Variants in ATP13A4 observed in about 807,000 individuals in gnomAD.
ATP13A4 encodes probable cation-transporting ATPase 13A4.
A neutral mutation model predicts 142.5 loss-of-function variants in ATP13A4; 114 were observed. The observed-to-expected ratio is 0.80, with a 90% CI of 0.69 to 0.93. The LOEUF (loss-of-function observed/expected upper bound fraction) is 0.93, where lower values mean the gene tolerates loss of function less well. Among genes scored for constraint, ATP13A4 ranks in the 40% least tolerant of loss-of-function variants. ATP13A4 has a pLI of 0.00. For synonymous variants in ATP13A4, 488 were observed against 514.8 expected, an observed-to-expected ratio of 0.95 and a Z score of 0.70; for missense variants, 1,392 against 1,454.0, an observed-to-expected ratio of 0.96 and a Z score of 0.69.
At chr3:193,530,750 A>T (rs1722267871) in intron 1 of ATP13A4, among the ~76,000 whole-genome samples, 1 of 152,136 alleles carries the variant, frequency 6.6e-6, no homozygotes, top group South Asian at 2.1e-4. Flanking sequence ...GTTTCTCAGG[A>T]TGTTGTGATT....
intron 1 of ATP13A4, among the ~76,000 whole-genome samples, chr3:193,536,078 T>G (rs1173326008): frequency 1.3e-5 from 2 of 151,956 alleles, no homozygotes; most frequent in East Asian, 1.9e-4. Flanking sequence ...AATAATATTA[T>G]TAGTATGCAA....
At chr3:193,551,733 TC>T (rs766793927) in intron 1 of ATP13A4, among the ~76,000 whole-genome samples, 2 of 152,170 alleles carry the variant, frequency 1.3e-5, no homozygotes, top group African/African-American at 2.4e-5. Context: ...GAGCCAGGCC[TC>T]CCGTCCCGTC....
intron 6 of ATP13A4, 141 bp from the exon 7 acceptor site, chr3:193,490,005 C>T (rs944554927): frequency 1.2e-5 from 11 of 936,904 alleles, no homozygotes; most frequent in East Asian, 2.7e-5. Context: ...GCAATTGACA[C>T]GTGCCAGACA....
chr3:193,502,583 T>C lies in ATP13A4; in HGVS notation c.291A>G (p.Leu97=). ...KKVIWIYLSA[L]NSAFGLTPDH... ...CAGGAGTGAGACCAAATGCGCTGTT[T>C]AATGCTGACAGGTAGATCCATATTA... The change falls in exon 3 of 30, where the codon TTA becomes TTG. Residue 97 remains leucine (L), a synonymous_variant. Coordinates refer to ENST00000342695, the MANE Select transcript of ATP13A4 (RefSeq NM_032279.4). 8 of 1,613,804 alleles carry C rather than the reference T, an allele frequency of 5.0e-6. No individual in the cohort carries two copies. Among genetic ancestry groups the C allele is most frequent in the Non-Finnish European group, 6.8e-6 (8 of 1,179,654 alleles).
At chr3:193,543,900 A>C (rs2108720017) in intron 1 of ATP13A4, among the ~76,000 whole-genome samples, 1 of 152,342 alleles carries the variant, frequency 6.6e-6, no homozygotes, top group South Asian at 2.1e-4. Flanking sequence ...ATAAAGTCCA[A>C]GTTTGGACTA....
chr3:193,408,491 G>A (rs988896267), intron 28 of ATP13A4, among the ~76,000 whole-genome samples: 11 of 152,156 alleles, frequency 7.2e-5, no homozygotes, highest in African/African-American at 2.7e-4. Context: ...TTATATGAAA[G>A]AAGCAAGGTG....
intron 7 of ATP13A4, among the ~76,000 whole-genome samples, chr3:193,484,250 CA>C (rs1560221804): frequency 6.6e-6 from 1 of 151,794 alleles, no homozygotes. Context: ...ATGCTCTTTC[CA>C]CTCAGAAGAG....
intron 2 of ATP13A4, among the ~76,000 whole-genome samples, chr3:193,510,231 G>A (rs960389091): frequency 1.3e-5 from 2 of 152,122 alleles, no homozygotes; most frequent in East Asian, 1.9e-4. Flanking sequence ...GATGACATTC[G>A]CGTGGCTGAT....
chr3:193,444,622 G>T (rs1212720867), intron 18 of ATP13A4, among the ~76,000 whole-genome samples: 1 of 152,192 alleles, frequency 6.6e-6, no homozygotes, highest in Admixed American at 6.5e-5. Context: ...TCTGGTGGGG[G>T]TTTTCAACAT....
intron 28 of ATP13A4, among the ~76,000 whole-genome samples, chr3:193,408,146 C>A (rs1714595663): frequency 6.6e-6 from 1 of 152,250 alleles, no homozygotes. Context: ...GTATCTGGCA[C>A]TGACTTATGC....
intron 1 of ATP13A4, among the ~76,000 whole-genome samples, chr3:193,523,701 T>C (rs1294163850): frequency 2.0e-5 from 3 of 152,218 alleles, no homozygotes; most frequent in Non-Finnish European, 4.4e-5. Context: ...GTGTCCTTTA[T>C]AATAAGCCAG....
chr3:193,414,060 C>G (rs943583450), intron 26 of ATP13A4, among the ~76,000 whole-genome samples: 1 of 152,186 alleles, frequency 6.6e-6, no homozygotes, highest in African/African-American at 2.4e-5. Context: ...AAATTCCTCT[C>G]TTTGTACTCT....
Position 193,454,211 on chromosome 3 carries a change from T to C in ATP13A4, c.1917A>G (p.Val639=). ...GAAGTTCGCTAACAAAACTAGTGGG[T>C]ACTGTTTAGAAAGAAACACAGGGTT... ...RVASFCQPET[V]PTSFVSELQI... Residue 639 remains valine (V), a splice_region_variant and synonymous_variant, in exon 17 of 30, where the codon GTA becomes GTG. Transcript: ENST00000342695. 6.2e-7 allele frequency: 1 copy of C among 1,606,022 alleles called. No individual in the cohort carries two copies. The highest frequency in any genetic ancestry group is 8.5e-7 in the Non-Finnish European group (1 of 1,172,644).
At chr3:193,573,308 C>CCTATATATATATATATTCTTATATATAT (rs1229145689) in intron 2 of ATP13A4, among the ~76,000 whole-genome samples, 1 of 103,674 alleles carries the variant, frequency 9.6e-6, no homozygotes, top group African/African-American at 4.7e-5. Context: ...TATATATATA[C>CCTATATATATATATATTCTTATATATAT]ATATATATAT....
chr3:193,483,545 A>G (rs1178520957), intron 8 of ATP13A4, among the ~76,000 whole-genome samples: 2 of 152,066 alleles, frequency 1.3e-5, no homozygotes, highest in Non-Finnish European at 2.9e-5. Context: ...GCTCACTGCA[A>G]GCTCCGCCTC....
chr3:193,459,198 C>T lies in ATP13A4; in HGVS notation c.1557G>A (p.Gln519=), dbSNP rs972622951. The part of the protein sequence containing the change: ...FQEVHSFASG[Q]ALPWGPLCAA... ...CACACAGTGGGCCCCATGGCAAAGC[C>T]TGGCCTGAGGCAAAGCTGTGAACTT... The change falls in exon 14 of 30, where the codon CAG becomes CAA. Residue 519 remains glutamine (Q), a synonymous_variant. Transcript: ENST00000342695. 3.7e-6 allele frequency: 6 copies of T among 1,614,250 alleles called. No individual in the cohort carries two copies. The highest frequency in any genetic ancestry group is 1.6e-4 in the Middle Eastern group (1 of 6,062).
chr3:193,472,556 A>C (rs1241529578), intron 8 of ATP13A4, among the ~76,000 whole-genome samples: 1 of 152,236 alleles, frequency 6.6e-6, no homozygotes, highest in East Asian at 1.9e-4. Flanking sequence ...TATAGTAAGA[A>C]CGAATCAACT....
chr3:193,547,631 T>C (rs540286836), intron 1 of ATP13A4, among the ~76,000 whole-genome samples: 1 of 152,354 alleles, frequency 6.6e-6, no homozygotes, highest in South Asian at 2.1e-4. Context: ...CCCACAGTTC[T>C]GTATGCATAG....
intron 1 of ATP13A4, among the ~76,000 whole-genome samples, chr3:193,535,940 A>G (rs1431696717): frequency 6.6e-6 from 1 of 152,152 alleles, no homozygotes; most frequent in Non-Finnish European, 1.5e-5. Context: ...TCAATGTGAA[A>G]TAGATAATCT....
Sources: allele counts gnomAD v4.1 joint callset (sites outside exome capture counted in the v4.1 genomes callset), GRCh38; gene constraint gnomAD v4.1.1; transcripts MANE v1.5; gene names NCBI Gene and HGNC (gene_info 2026-07-23, HGNC 2026-07-21).